The following AGBL4 variants were observed in gnomAD, a reference collection of about 807,000 sequenced individuals.
AGBL4 encodes the protein AGBL carboxypeptidase 4, also known as cytosolic carboxypeptidase 6.
In AGBL4, 58 loss-of-function variants were observed where a neutral mutation model predicts 66.4. The observed-to-expected ratio is 0.87, with a 90% CI of 0.71 to 1.09. AGBL4 has a LOEUF of 1.09. Among genes scored for constraint, AGBL4 ranks in the 50% least tolerant of loss-of-function variants. The pLI is 0.00. For synonymous variants in AGBL4, 234 were observed against 222.9 expected (o/e 1.05, Z -0.44); for missense variants, 579 against 631.0 (o/e 0.92, Z 0.88).
At chr1:49,585,517 T>A (rs1644630707) in intron 3 of AGBL4, among the ~76,000 whole-genome samples, 1 of 152,056 alleles carries the variant, frequency 6.6e-6, no homozygotes. Context: ...CTCAATCCTA[T>A]AAAAGGTTGT....
chr1:49,924,623 T>A (rs1652584484), intron 1 of AGBL4, among the ~76,000 whole-genome samples: 1 of 152,166 alleles, frequency 6.6e-6, no homozygotes, highest in African/African-American at 2.4e-5. Context: ...AGTTTTATAG[T>A]GCTTGCTATA....
intron 11 of AGBL4, among the ~76,000 whole-genome samples, chr1:48,559,451 GA>G (rs1207168589): frequency 1.3e-5 from 2 of 151,028 alleles, no homozygotes; most frequent in Non-Finnish European, 3.0e-5. Flanking sequence ...TGGTGTAGTA[GA>G]AAAAAAAATC....
intron 4 of AGBL4, among the ~76,000 whole-genome samples, chr1:49,177,678 A>C (rs1195578782): frequency 6.6e-6 from 1 of 152,056 alleles, no homozygotes; most frequent in Non-Finnish European, 1.5e-5. Context: ...AGGACTATTA[A>C]GATTATTAAG....
chr1:49,513,568 ATG>A (rs1649473969), intron 3 of AGBL4, among the ~76,000 whole-genome samples: 1 of 151,924 alleles, frequency 6.6e-6, no homozygotes. Context: ...AGCTCCATTC[ATG>A]TTGCTTCAAA....
intron 1 of AGBL4, among the ~76,000 whole-genome samples, chr1:49,971,137 C>T (rs781605121): frequency 1.2e-4 from 18 of 152,274 alleles, no homozygotes; most frequent in Admixed American, 8.5e-4. Flanking sequence ...GTTTCAGTTA[C>T]CCTGTCAACC....
intron 3 of AGBL4, among the ~76,000 whole-genome samples, chr1:49,558,957 T>C (rs78733844): frequency 6.6e-6 from 1 of 152,126 alleles, no homozygotes; most frequent in African/African-American, 2.4e-5. Flanking sequence ...GGTATTTGAC[T>C]CTAGTCCCTG....
At chr1:48,831,205 G>A (rs984644718) in intron 6 of AGBL4, among the ~76,000 whole-genome samples, 2 of 152,090 alleles carry the variant, frequency 1.3e-5, no homozygotes, top group African/African-American at 4.8e-5. Context: ...TAGTCTATAA[G>A]CTTGTTTTCT....
intron 6 of AGBL4, among the ~76,000 whole-genome samples, chr1:48,816,085 GTGTGTGT>G (rs1261205279): frequency 0.029 from 3,552 of 121,752 alleles, 151 homozygotes; most frequent in African/African-American, 0.094. Flanking sequence ...GTGTGTGTGT[GTGTGTGT>G]AGAGAGAAAG....
At chr1:48,864,215 ATATAT>A (rs1000750145) in intron 6 of AGBL4, among the ~76,000 whole-genome samples, 1 of 152,186 alleles carries the variant, frequency 6.6e-6, no homozygotes, top group African/African-American at 2.4e-5. Context: ...TTAGGGAAAC[ATATAT>A]TATAACAGCA....
intron 4 of AGBL4, among the ~76,000 whole-genome samples, chr1:49,127,656 C>T (rs571371347): frequency 6.6e-6 from 1 of 152,132 alleles, no homozygotes; most frequent in South Asian, 2.1e-4. Context: ...CTAGAGATAA[C>T]AGAGACATTA....
At chr1:49,103,416 G>A (rs1645237990) in intron 4 of AGBL4, among the ~76,000 whole-genome samples, 1 of 152,106 alleles carries the variant, frequency 6.6e-6, no homozygotes, top group African/African-American at 2.4e-5. Context: ...GAACAGTTTT[G>A]AAAAGTGAAA....
Position 48,703,911 on chromosome 1 carries a change from G to C in AGBL4, c.635-40670C>G, listed in dbSNP as rs116325001. ...GATACACACCCATGCATTGCTAAAG[G>C]ATGGGGATATGTTCTGGGAAATGCC... is the stretch of plus-strand genomic sequence containing the variant. On this transcript the variant is annotated intron_variant, in intron 6 of 13. Transcript: ENST00000371839. 3.6e-3 allele frequency among the ~76,000 whole-genome samples: 549 copies of C among 152,328 alleles called. 4 individuals carry two copies. Among genetic ancestry groups the C allele is most frequent in the African/African-American group, 0.012 (514 of 41,576 alleles).
Position 49,880,761 on chromosome 1 carries a change from T to C in AGBL4, c.35-29243A>G, listed in dbSNP as rs369158122. ...ATGGCGGGCGCCCCTCCCCCAGCCT[T>C]GCTGCCGCCTTGCAGTTTGATCTCA... On this transcript the variant is annotated intron_variant, in intron 1 of 13. Transcript: ENST00000371839. Among the ~76,000 whole-genome samples, 50 of 152,090 alleles carry C rather than the reference T, an allele frequency of 3.3e-4. No individual in the cohort carries two copies. In the South Asian group the frequency reaches 9.1e-3, roughly 28 times the overall value.
intron 3 of AGBL4, among the ~76,000 whole-genome samples, chr1:49,367,815 C>T (rs1188230554): frequency 6.6e-6 from 1 of 152,162 alleles, no homozygotes; most frequent in Non-Finnish European, 1.5e-5. Flanking sequence ...TTCAGTGGCA[C>T]CTAAGACATT....
chr1:48,871,440 G>C (rs2148829297), intron 5 of AGBL4, among the ~76,000 whole-genome samples: 1 of 151,486 alleles, frequency 6.6e-6, no homozygotes, highest in Non-Finnish European at 1.5e-5. Flanking sequence ...CTCAGACAAA[G>C]AAGTTCCACA....
intron 3 of AGBL4, among the ~76,000 whole-genome samples, chr1:49,380,938 A>G (rs1284193334): frequency 6.6e-6 from 1 of 152,228 alleles, no homozygotes; most frequent in Non-Finnish European, 1.5e-5. Context: ...CGCATGGGCA[A>G]GGACTTCATG....
chr1:49,763,778 G>A (rs780459283), intron 2 of AGBL4, among the ~76,000 whole-genome samples: 7 of 152,108 alleles, frequency 4.6e-5, no homozygotes, highest in South Asian at 2.1e-4. Context: ...AATTCCACAC[G>A]GAACCCGTCA....
Position 48,600,598 on chromosome 1 carries a change from G to T in AGBL4, c.952-9613C>A, listed in dbSNP as rs554813163. Among the ~76,000 whole-genome samples the T allele has an allele frequency of 1.4e-4, 21 of 152,220 alleles. No homozygotes were observed. In the South Asian group the frequency reaches 1.9e-3, roughly 14 times the overall value. ...TCTGTAATTATAACAATCCTATAAG[G>T]GTAATAACATCATATAAGGAAACCA... On this transcript the variant is annotated intron_variant, in intron 9 of 13. Transcript: ENST00000371839.
At chr1:48,758,222 T>C (rs1644050781) in intron 6 of AGBL4, among the ~76,000 whole-genome samples, 1 of 152,350 alleles carries the variant, frequency 6.6e-6, no homozygotes, top group East Asian at 1.9e-4. Flanking sequence ...TCTAATGCTT[T>C]CCATTCCTAC....
Sources: allele counts gnomAD v4.1 joint callset (sites outside exome capture counted in the v4.1 genomes callset), GRCh38; gene constraint gnomAD v4.1.1; transcripts MANE v1.5; gene names NCBI Gene and HGNC (gene_info 2026-07-23, HGNC 2026-07-21).